SRGAP2C: variants seen among roughly 807,000 people sequenced by gnomAD.
SRGAP2C encodes the protein SLIT-ROBO Rho GTPase activating protein 2C.
In SRGAP2C, 15 loss-of-function variants were observed where a neutral mutation model predicts 25.1. The ratio of observed to expected loss-of-function variants is 0.60; its 90% CI spans 0.40 to 0.92. The LOEUF (loss-of-function observed/expected upper bound fraction) is 0.92. SRGAP2C is among the 40% of genes least tolerant of loss of function. The pLI is 0.00. For missense variants in SRGAP2C, 144 were observed against 264.4 expected, an observed-to-expected ratio of 0.54 and a Z score of 3.16; for synonymous variants, 44 against 96.6, an observed-to-expected ratio of 0.46 and a Z score of 3.19.
At position 121,185,030 on chromosome 1, in the gene SRGAP2C, G is replaced by T. The variant is rs1400163163; in HGVS notation, c.-637G>T. On this transcript the variant is annotated 5_prime_UTR_variant, in exon 1 of 10. Transcript: ENST00000367123. ...AGGCTCCTCCAGGGACTGGGGCACCGATCTGCGTAGAAACGGGTGGCGGGG... is the reference window on the plus strand; with the variant it reads ...AGGCTCCTCCAGGGACTGGGGCACCTATCTGCGTAGAAACGGGTGGCGGGG... 5.8e-6 allele frequency: 3 copies of T among 516,208 alleles called. No homozygotes were observed. Among genetic ancestry groups the T allele is most frequent in the Non-Finnish European group, 1.0e-5 (3 of 293,562 alleles). The allele number at this position is 516,208 out of a possible 1,614,324, so 32.0% of individuals were successfully genotyped here.
intron 2 of SRGAP2C, among the ~76,000 whole-genome samples, chr1:121,227,896 G>A: frequency 6.8e-6 from 1 of 147,310 alleles, no homozygotes; most frequent in Non-Finnish European, 1.5e-5. Flanking sequence ...ATTCAGACTG[G>A]GGCTCTACAA....
intron 4 of SRGAP2C, among the ~76,000 whole-genome samples, chr1:121,350,513 T>G (rs1301487593): frequency 6.6e-6 from 1 of 151,852 alleles, no homozygotes; most frequent in Non-Finnish European, 1.5e-5. Context: ...TGTTAACAGA[T>G]GCAAACTTTA....
At chr1:121,304,104 G>T (rs1439210582) in intron 3 of SRGAP2C, among the ~76,000 whole-genome samples, 3 of 151,652 alleles carry the variant, frequency 2.0e-5, no homozygotes, top group African/African-American at 7.3e-5. Flanking sequence ...CCAGCTACTG[G>T]GGAGGCTGAG....
intron 2 of SRGAP2C, among the ~76,000 whole-genome samples, chr1:121,263,224 T>G (rs1390255237): frequency 2.0e-5 from 3 of 150,558 alleles, no homozygotes; most frequent in African/African-American, 7.3e-5. Flanking sequence ...CTCCAGAGGC[T>G]GAGGCATGGG....
At position 121,211,460 on chromosome 1, in the gene SRGAP2C, C is replaced by T. The variant is rs1485619329; in HGVS notation, c.67+23947C>T. Among the ~76,000 whole-genome samples, 6 of 146,270 alleles carry T rather than the reference C, an allele frequency of 4.1e-5. No individual in the cohort carries two copies. The East Asian group carries it at 1.0e-3, about 25-fold the overall frequency. On this transcript the variant is annotated intron_variant, in intron 2 of 9. Coordinates refer to ENST00000367123, the MANE Select transcript of SRGAP2C (RefSeq NM_001329984.2). ...ACACACACACACACACACACACACACATCTTACCTTATTTAGGATCTCCCA... is the reference window on the plus strand; with the variant it reads ...ACACACACACACACACACACACACATATCTTACCTTATTTAGGATCTCCCA...
chr1:121,254,299 T>G (rs1354197621), intron 2 of SRGAP2C, among the ~76,000 whole-genome samples: 35 of 101,374 alleles, frequency 3.5e-4, no homozygotes, highest in Non-Finnish European at 6.7e-4. Context: ...TTCCTCTTTT[T>G]AAAAACTGGA....
chr1:121,254,922 G>A (rs1283738561), intron 2 of SRGAP2C, among the ~76,000 whole-genome samples: 7 of 151,290 alleles, frequency 4.6e-5, no homozygotes, highest in Non-Finnish European at 8.9e-5. Context: ...TTTTCTATCA[G>A]AATTTGAGCC....
At position 121,390,749 on chromosome 1, in the gene SRGAP2C, AAAAT is replaced by A. The variant is rs1348905303; in HGVS notation, c.*2900_*2903del. 1 of 148,950 alleles carries A rather than the reference AAAAT, an allele frequency of 6.7e-6. No individual in the cohort carries two copies. The highest frequency in any genetic ancestry group is 2.2e-4 in the South Asian group (1 of 4,650). The allele number at this position is 148,950 out of a possible 1,614,324, so 9.2% of individuals were successfully genotyped here. ...CCAACCTTCTCATTTGAAAAATTAA[AAAAT>A]AAATAGGCCAGATATGGCGGCTCAT... On this transcript the variant is annotated 3_prime_UTR_variant, in exon 10 of 10. Coordinates refer to ENST00000367123, the MANE Select transcript of SRGAP2C (RefSeq NM_001329984.2).
Position 121,207,225 on chromosome 1 carries a change from C to T in SRGAP2C, c.67+19712C>T, listed in dbSNP as rs587703008. ...TACCTTTCACTTTCAGAAATATTCT[C>T]CCTTGAAGGGGCTTCGTGTTTGTAT... On this transcript the variant is annotated intron_variant, in intron 2 of 9. Coordinates refer to ENST00000367123, the MANE Select transcript of SRGAP2C (RefSeq NM_001329984.2). 2.6e-5 allele frequency among the ~76,000 whole-genome samples: 4 copies of T among 152,206 alleles called. No individual in the cohort carries two copies. The South Asian group carries it at 8.3e-4, about 32-fold the overall frequency.
chr1:121,322,834 T>C (rs1449318675), intron 3 of SRGAP2C, among the ~76,000 whole-genome samples: 1 of 151,986 alleles, frequency 6.6e-6, no homozygotes, highest in Non-Finnish European at 1.5e-5. Context: ...GTGCCTGGCC[T>C]TTAGTGCTGA....
At chr1:121,353,670 CAAAG>C (rs1658980448) in intron 4 of SRGAP2C, among the ~76,000 whole-genome samples, 1 of 54,988 alleles carries the variant, frequency 1.8e-5, no homozygotes, top group East Asian at 9.5e-4. Flanking sequence ...GGTAACCACT[CAAAG>C]AATAGTATTG....
intron 8 of SRGAP2C, among the ~76,000 whole-genome samples, chr1:121,384,637 A>G (rs1186967625): frequency 2.5e-5 from 3 of 118,512 alleles, no homozygotes; most frequent in Non-Finnish European, 3.5e-5. Context: ...AGCTGAGTGG[A>G]GTGATACATT....
chr1:121,216,067 A>T (rs1655375708), intron 2 of SRGAP2C, among the ~76,000 whole-genome samples: 1 of 152,066 alleles, frequency 6.6e-6, no homozygotes, highest in African/African-American at 2.4e-5. Flanking sequence ...CTTAGAAAAC[A>T]GTGGGCTTCC....
At chr1:121,191,036 C>A (rs1447060765) in intron 2 of SRGAP2C, among the ~76,000 whole-genome samples, 6 of 152,190 alleles carry the variant, frequency 3.9e-5, no homozygotes, top group African/African-American at 4.8e-5. Context: ...TAAAAACCAT[C>A]ATTGTTTCTG....
intron 2 of SRGAP2C, among the ~76,000 whole-genome samples, chr1:121,201,903 C>T (rs1409740530): frequency 2.0e-5 from 3 of 152,084 alleles, no homozygotes; most frequent in African/African-American, 7.2e-5. Context: ...GCATGGGAAC[C>T]CCCTCCCCAC....
At chr1:121,359,344 T>TA (rs1249276251) in intron 4 of SRGAP2C, among the ~76,000 whole-genome samples, 24 of 130,952 alleles carry the variant, frequency 1.8e-4, no homozygotes, top group Non-Finnish European at 3.2e-4. Flanking sequence ...ATGACCAATA[T>TA]AAAAAAATAG....
intron 5 of SRGAP2C, among the ~76,000 whole-genome samples, chr1:121,370,709 G>T (rs587598585): frequency 6.6e-6 from 1 of 152,122 alleles, no homozygotes; most frequent in African/African-American, 2.4e-5. Flanking sequence ...CTCCCAAAGT[G>T]CTGGGATTAC....
chr1:121,315,297 C>G (rs1658072384), intron 3 of SRGAP2C, among the ~76,000 whole-genome samples: 1 of 151,810 alleles, frequency 6.6e-6, no homozygotes, highest in African/African-American at 2.4e-5. Context: ...GCACGTGTCA[C>G]CATACCTGGC....
At chr1:121,383,306 G>A (rs1212732437) in intron 8 of SRGAP2C, among the ~76,000 whole-genome samples, 3 of 148,064 alleles carry the variant, frequency 2.0e-5, no homozygotes, top group Non-Finnish European at 4.5e-5. Context: ...GAAAGTGAGG[G>A]AGGGGGGCGC....
Sources: allele counts gnomAD v4.1 joint callset (sites outside exome capture counted in the v4.1 genomes callset), GRCh38; gene constraint gnomAD v4.1.1; transcripts MANE v1.5; gene names NCBI Gene and HGNC (gene_info 2026-07-23, HGNC 2026-07-21).